CEMIP2: variants seen among roughly 807,000 people sequenced by gnomAD.
CEMIP2 encodes the protein cell surface hyaluronidase CEMIP2.
CEMIP2 carries 79 observed loss-of-function variants against 146.9 expected under a neutral mutation model. The observed-to-expected ratio is 0.54, with a 90% CI of 0.45 to 0.65. The LOEUF is 0.65. CEMIP2 is among the 30% of genes least tolerant of loss of function. CEMIP2 has a pLI of 0.00. For missense variants in CEMIP2, 1,596 were observed against 1,696.2 expected (o/e 0.94, Z 1.04); for synonymous variants, 601 against 606.3 (o/e 0.99, Z 0.13).
intron 5 of CEMIP2, among the ~76,000 whole-genome samples, chr9:71,735,280 G>A (rs534828086): frequency 6.6e-6 from 1 of 152,072 alleles, no homozygotes; most frequent in Admixed American, 6.6e-5. Flanking sequence ...TTTTGAAGAA[G>A]GCTCTAGATC....
At chr9:71,715,436 G>A (rs1823021869) in intron 14 of CEMIP2, among the ~76,000 whole-genome samples, 1 of 150,364 alleles carries the variant, frequency 6.7e-6, no homozygotes. Flanking sequence ...GTGGAGATGG[G>A]GTCTTGCTAT....
intron 10 of CEMIP2, among the ~76,000 whole-genome samples, chr9:71,728,994 C>CTT (rs577867428): frequency 2.7e-4 from 41 of 150,488 alleles, no homozygotes; most frequent in Middle Eastern, 3.4e-3. Flanking sequence ...GTAGGCCTGG[C>CTT]TTTTTTTTTG....
intron 1 of CEMIP2, among the ~76,000 whole-genome samples, chr9:71,758,879 G>T (rs535186398): frequency 9.0e-4 from 137 of 152,190 alleles, no homozygotes; most frequent in African/African-American, 3.2e-3. Flanking sequence ...CCCACAAGGC[G>T]CATTCTCCAT....
chr9:71,722,876 CA>C (rs1458009253), intron 11 of CEMIP2, among the ~76,000 whole-genome samples: 2 of 151,972 alleles, frequency 1.3e-5, no homozygotes, highest in Non-Finnish European at 2.9e-5. Context: ...ATAAAGGAAG[CA>C]GATGAGGTTT....
rs1822682369 is a variant in CEMIP2 at position 71,704,711 on chromosome 9, A to AT, written c.3077dup (p.Asn1026LysfsTer42). ...GGTACTGTGGAAAGGCAGCCTTCTG[A>AT]TTAATACCTCGGAGCACCATAGGGT... On this transcript the variant is annotated frameshift_variant, in exon 18 of 24. Coordinates refer to ENST00000377044, the MANE Select transcript of CEMIP2 (RefSeq NM_013390.3). LOFTEE classifies it high-confidence loss of function. 6.2e-7 allele frequency: 1 copy of AT among 1,614,174 alleles called. No individual in the cohort carries two copies. Among genetic ancestry groups the AT allele is most frequent in the Non-Finnish European group, 8.5e-7 (1 of 1,180,032 alleles).
intron 19 of CEMIP2, among the ~76,000 whole-genome samples, chr9:71,698,736 A>G (rs1453165951): frequency 6.6e-6 from 1 of 152,232 alleles, no homozygotes; most frequent in African/African-American, 2.4e-5. Context: ...CCTTCGGTCT[A>G]TATTAGGGCC....
intron 13 of CEMIP2, 69 bp from the exon 14 acceptor site, chr9:71,716,621 A>G: frequency 7.7e-7 from 1 of 1,300,266 alleles, no homozygotes; most frequent in Admixed American, 2.2e-5. Flanking sequence ...AATTCTCTCA[A>G]TATTTAATTA....
rs34581447 is a variant in CEMIP2, at chr9:71,755,346, TACACAC to T, written c.-12-4967_-12-4962del. Among the ~76,000 whole-genome samples the T allele has an allele frequency of 8.7e-3, 1,167 of 134,908 alleles. 14 individuals carry two copies. The highest frequency in any genetic ancestry group is 0.03 in the African/African-American group (1,048 of 35,076). The allele number at this position is 134,908 out of a possible 152,430, so 88.5% of individuals were successfully genotyped here. On this transcript the variant is annotated intron_variant, in intron 1 of 23. Transcript: ENST00000377044. ...GGAACCTAGTGAGACACCCTGTCTCTACACACACACACACACACACACACACACACA... is the reference window on the plus strand; with the variant it reads ...GGAACCTAGTGAGACACCCTGTCTCTACACACACACACACACACACACACA...
intron 21 of CEMIP2, among the ~76,000 whole-genome samples, chr9:71,692,017 G>T (rs893648718): frequency 3.3e-5 from 5 of 151,666 alleles, no homozygotes; most frequent in African/African-American, 1.2e-4. Flanking sequence ...GCTGAGGCTG[G>T]AGAATCTCTT....
chr9:71,767,485 G>GAT (rs1193968164), intron 1 of CEMIP2, among the ~76,000 whole-genome samples: 2 of 152,200 alleles, frequency 1.3e-5, no homozygotes, highest in African/African-American at 4.8e-5. Context: ...GATAAAAGGA[G>GAT]ATATATATCA....
At position 71,691,430 on chromosome 9, in the gene CEMIP2, ATAAATAAAT is replaced by A. The variant is rs1297600611; in HGVS notation, c.3697-1193_3697-1185del. Among the ~76,000 whole-genome samples the A allele has an allele frequency of 7.3e-5, 11 of 151,024 alleles. 2 individuals carry two copies. The East Asian group carries it at 2.1e-3, about 29-fold the overall frequency. On this transcript the variant is annotated intron_variant, in intron 21 of 23. Coordinates refer to ENST00000377044, the MANE Select transcript of CEMIP2 (RefSeq NM_013390.3). Reference sequence around the variant, plus strand: ...GAGACTCTGTCTCAGGAAAAAAAAAATAAATAAATAAAAAAGCCCTTTAGCTAATTGCAC... The same window carrying A: ...GAGACTCTGTCTCAGGAAAAAAAAAAAAAAAAGCCCTTTAGCTAATTGCAC...
chr9:71,705,535 A>T (rs1295752039), intron 17 of CEMIP2, among the ~76,000 whole-genome samples: 2 of 152,084 alleles, frequency 1.3e-5, no homozygotes, highest in Admixed American at 6.5e-5. Flanking sequence ...TTTAATCTAC[A>T]ATACTTCTGT....
At chr9:71,757,254 C>T (rs72739808) in intron 1 of CEMIP2, among the ~76,000 whole-genome samples, 10,410 of 152,304 alleles carry the variant, frequency 0.068, 514 homozygotes, top group South Asian at 0.19. Flanking sequence ...TTTAAGCTCT[C>T]TCAAATCACG....
At chr9:71,705,030 T>A in intron 17 of CEMIP2, 1 of 516,060 alleles carries the variant, frequency 1.9e-6, no homozygotes, top group South Asian at 2.4e-5. Context: ...AAGATCTTCA[T>A]CATCGCTTCC....
chr9:71,745,180 C>A lies in CEMIP2; in HGVS notation c.872G>T (p.Arg291Leu), dbSNP rs25689. 1.2e-6 allele frequency: 2 copies of A among 1,613,760 alleles called. No homozygotes were observed. Among genetic ancestry groups the A allele is most frequent in the Admixed American group, 1.7e-5 (1 of 59,974 alleles). Reference sequence around the variant, plus strand: ...CTCCTGAAGCCGCCTGCTCTCATTGCGGTATTCATGGGTATCAAATCTCTC... The same window carrying A: ...CTCCTGAAGCCGCCTGCTCTCATTGAGGTATTCATGGGTATCAAATCTCTC... ...ESERFDTHEY[R>L]NESRRLQEFL... Residue 291 changes from arginine (R) to leucine (L), a missense_variant, in exon 4 of 24, where the codon CGC becomes CTC. Coordinates refer to ENST00000377044, the MANE Select transcript of CEMIP2 (RefSeq NM_013390.3).
Position 71,704,807 on chromosome 9 carries a change from G to GA in CEMIP2, c.2986-5dup, listed in dbSNP as rs1352991796. 1.2e-6 allele frequency: 2 copies of GA among 1,609,360 alleles called. No individual in the cohort carries two copies. Among genetic ancestry groups the GA allele is most frequent in the Admixed American group, 1.7e-5 (1 of 59,464 alleles). ...TGCTCCATGTCTGTACATAGACCTT[G>GA]AAAAAATAATCAAGAAGTAAAGGGA... is the stretch of plus-strand genomic sequence containing the variant. On this transcript the variant is annotated splice_polypyrimidine_tract_variant and splice_region_variant and intron_variant, in intron 17 of 23. Coordinates refer to ENST00000377044, the MANE Select transcript of CEMIP2 (RefSeq NM_013390.3).
intron 2 of CEMIP2, among the ~76,000 whole-genome samples, chr9:71,749,574 C>A (rs1173192188): frequency 1.3e-5 from 2 of 151,990 alleles, no homozygotes; most frequent in Non-Finnish European, 2.9e-5. Context: ...GATGTGGTGG[C>A]ACTTGCCTGT....
At chr9:71,762,769 A>G (rs13300174) in intron 1 of CEMIP2, among the ~76,000 whole-genome samples, 43,398 of 152,064 alleles carry the variant, frequency 0.29, 6,421 homozygotes, top group South Asian at 0.38. Context: ...CCACCACTTT[A>G]GGAGACTGAG....
intron 20 of CEMIP2, among the ~76,000 whole-genome samples, chr9:71,697,052 C>A (rs1408490999): frequency 1.3e-5 from 2 of 152,160 alleles, no homozygotes; most frequent in Non-Finnish European, 2.9e-5. Context: ...ATCAGTGGAA[C>A]TCAAATGTGA....
Sources: gnomAD v4.1 joint callset for allele counts (sites outside exome capture counted in the v4.1 genomes callset) on GRCh38, gnomAD v4.1.1 for gene constraint, MANE v1.5 for transcripts, NCBI Gene and HGNC (gene_info 2026-07-23, HGNC 2026-07-21) for gene names.